SYT16: variants seen among roughly 807,000 people sequenced by gnomAD.
The protein encoded by SYT16 is synaptotagmin 16.
SYT16 carries 42 observed loss-of-function variants against 61.4 expected under a neutral mutation model. The observed-to-expected ratio is 0.68, with a 90% CI of 0.53 to 0.89. SYT16 has a LOEUF of 0.89. Among genes scored for constraint, SYT16 ranks in the 40% least tolerant of loss-of-function variants. The pLI, the probability that SYT16 is intolerant of heterozygous loss-of-function variation, is 0.00. For missense variants in SYT16, 804 were observed against 807.3 expected (o/e 1.00, Z 0.05); for synonymous variants, 314 against 302.3 (o/e 1.04, Z -0.40).
At chr14:61,838,322 G>T (rs1258506946) in intron 1 of SYT16, among the ~76,000 whole-genome samples, 2 of 152,150 alleles carry the variant, frequency 1.3e-5, no homozygotes, top group Non-Finnish European at 2.9e-5. Context: ...ATGGGGCCCA[G>T]TCCACTCCCC....
rs1051115915 is a variant in SYT16 at position 62,078,840 on chromosome 14, T to A, written c.994-1994T>A. 2.6e-5 allele frequency among the ~76,000 whole-genome samples: 4 copies of A among 152,190 alleles called. No individual in the cohort carries two copies. In the East Asian group the frequency reaches 5.8e-4, roughly 22 times the overall value. ...AGAAATGAGAATTATATTGTGTGGG[T>A]AGAAGGTAAGACTTTATTGAGTAGT... On this transcript the variant is annotated intron_variant, in intron 5 of 7. Coordinates refer to ENST00000683842, the MANE Select transcript of SYT16 (RefSeq NM_001367656.1).
intron 1 of SYT16, among the ~76,000 whole-genome samples, chr14:61,842,131 T>C (rs1183584344): frequency 6.6e-6 from 1 of 152,216 alleles, no homozygotes; most frequent in Non-Finnish European, 1.5e-5. Context: ...AATCACATCA[T>C]GTAAAATGAG....
chr14:61,856,830 GCCAAGGAC>G (rs968982845), intron 1 of SYT16, among the ~76,000 whole-genome samples: 1 of 152,154 alleles, frequency 6.6e-6, no homozygotes, highest in African/African-American at 2.4e-5. Context: ...GAGACATGTG[GCCAAGGAC>G]CCAGAGTTTA....
At chr14:61,820,468 A>AG (rs1566607131) in intron 1 of SYT16, among the ~76,000 whole-genome samples, 19 of 47,162 alleles carry the variant, frequency 4.0e-4, no homozygotes, top group Admixed American at 1.9e-3. Flanking sequence ...ACCTCTTCAG[A>AG]GTTTTTTTTT....
At chr14:61,994,752 C>G (rs1411523980) in intron 2 of SYT16, among the ~76,000 whole-genome samples, 1 of 152,102 alleles carries the variant, frequency 6.6e-6, no homozygotes, top group Non-Finnish European at 1.5e-5. Flanking sequence ...AGGCAAAGCC[C>G]TCAGGATTAC....
At chr14:62,087,203 G>A (rs565449330) in intron 7 of SYT16, among the ~76,000 whole-genome samples, 1 of 152,364 alleles carries the variant, frequency 6.6e-6, no homozygotes, top group East Asian at 1.9e-4. Flanking sequence ...GTTTTATGAG[G>A]TAACTGAGAA....
intron 3 of SYT16, among the ~76,000 whole-genome samples, chr14:62,002,567 G>C (rs1435089045): frequency 6.6e-6 from 1 of 152,082 alleles, no homozygotes; most frequent in African/African-American, 2.4e-5. Flanking sequence ...GGCAATTGCT[G>C]TGTTCCTATG....
At chr14:61,889,585 G>GCTCGCTCTCTCTCTCTCTCTGT (rs1310768618) in intron 1 of SYT16, among the ~76,000 whole-genome samples, 1 of 150,668 alleles carries the variant, frequency 6.6e-6, no homozygotes, top group Non-Finnish European at 1.5e-5. Flanking sequence ...GCTCGCTCTT[G>GCTCGCTCTCTCTCTCTCTCTGT]CTCCCTCTCT....
intron 3 of SYT16, among the ~76,000 whole-genome samples, chr14:62,026,796 G>A (rs993234133): frequency 3.9e-4 from 60 of 152,140 alleles, no homozygotes; most frequent in Non-Finnish European, 6.9e-4. Context: ...TTCTAGTAAT[G>A]TATTGGCTTT....
chr14:61,816,200 T>C (rs2045420931), intron 1 of SYT16, among the ~76,000 whole-genome samples: 1 of 151,134 alleles, frequency 6.6e-6, no homozygotes. Flanking sequence ...AGCCACTTTT[T>C]CCCTCCTTCT....
intron 1 of SYT16, among the ~76,000 whole-genome samples, chr14:61,859,111 G>A (rs1037473290): frequency 6.6e-6 from 1 of 151,614 alleles, no homozygotes; most frequent in Non-Finnish European, 1.5e-5. Flanking sequence ...CGCCCGCCTC[G>A]GCCTCCCAAA....
chr14:61,966,825 G>A (rs1341005793), intron 1 of SYT16, among the ~76,000 whole-genome samples: 1 of 152,108 alleles, frequency 6.6e-6, no homozygotes, highest in Non-Finnish European at 1.5e-5. Context: ...CACCCTTGAG[G>A]TATGTCTTTC....
intron 1 of SYT16, among the ~76,000 whole-genome samples, chr14:61,952,003 G>A (rs946172504): frequency 1.3e-5 from 2 of 152,042 alleles, no homozygotes; most frequent in Admixed American, 1.3e-4. Context: ...TGCCCAGGCT[G>A]GTTTCGAACT....
rs947902577 is a variant in SYT16 at position 62,069,953 on chromosome 14, C to T, written c.736+138C>T. Reference sequence around the variant, plus strand: ...ATGAGGCAGGATGCATTACGTGGAGCAAAGGGGCTGCTTTGAACCTCCCAA... The same window carrying T: ...ATGAGGCAGGATGCATTACGTGGAGTAAAGGGGCTGCTTTGAACCTCCCAA... On this transcript the variant is annotated intron_variant, in intron 4 of 7. Transcript: ENST00000683842. The T allele has an allele frequency of 3.0e-6, 3 of 1,016,614 alleles. No individual in the cohort carries two copies. The East Asian group carries it at 7.8e-5, about 26-fold the overall frequency. 63.0% of individuals were successfully genotyped at this position (1,016,614 alleles called of 1,614,324 possible). A position where few individuals can be genotyped will look rare whatever the true frequency, so the allele number is the denominator to read the frequency against.
intron 1 of SYT16, among the ~76,000 whole-genome samples, chr14:61,847,870 T>A (rs2046490183): frequency 6.6e-6 from 1 of 152,220 alleles, no homozygotes; most frequent in African/African-American, 2.4e-5. Context: ...GTATGTCAAT[T>A]GTAGTTTTTC....
At chr14:62,056,452 C>G (rs1388781133) in intron 3 of SYT16, among the ~76,000 whole-genome samples, 1 of 152,130 alleles carries the variant, frequency 6.6e-6, no homozygotes, top group Non-Finnish European at 1.5e-5. Flanking sequence ...CAGCAAAAAC[C>G]CTAAATTTCT....
At chr14:61,823,439 A>G (rs972056458) in intron 1 of SYT16, among the ~76,000 whole-genome samples, 1 of 151,750 alleles carries the variant, frequency 6.6e-6, no homozygotes, top group Non-Finnish European at 1.5e-5. Flanking sequence ...TACGAAAAGC[A>G]TGATAGAGGC....
intron 1 of SYT16, among the ~76,000 whole-genome samples, chr14:61,953,614 AGGTCTAG>A (rs1465648220): frequency 2.6e-5 from 4 of 152,134 alleles, no homozygotes; most frequent in Admixed American, 2.0e-4. Context: ...TTGAATTCTG[AGGTCTAG>A]GGCCTCACCT....
intron 1 of SYT16, among the ~76,000 whole-genome samples, chr14:61,850,625 A>G (rs1219998471): frequency 6.6e-6 from 1 of 152,226 alleles, no homozygotes; most frequent in African/African-American, 2.4e-5. Flanking sequence ...AACATTTCAA[A>G]TAATGAGATT....
Sources: gnomAD v4.1 joint callset for allele counts (sites outside exome capture counted in the v4.1 genomes callset) on GRCh38, gnomAD v4.1.1 for gene constraint, MANE v1.5 for transcripts, NCBI Gene and HGNC (gene_info 2026-07-23, HGNC 2026-07-21) for gene names.